Variants in IGDCC4 observed in about 807,000 individuals in gnomAD.
IGDCC4 encodes the protein immunoglobulin superfamily DCC subclass member 4.
IGDCC4 carries 72 observed loss-of-function variants against 116.6 expected under a neutral mutation model. The ratio of observed to expected loss-of-function variants is 0.62; its 90% confidence interval spans 0.51 to 0.75. The LOEUF (loss-of-function observed/expected upper bound fraction) is 0.75, where lower values mean the gene tolerates loss of function less well. Ranked by LOEUF, IGDCC4 falls within the 30% of genes least tolerant of loss-of-function variation. IGDCC4 has a pLI of 0.00. For synonymous variants in IGDCC4, 709 were observed against 719.9 expected (o/e 0.98, Z 0.24); for missense variants, 1,501 against 1,662.4 (o/e 0.90, Z 1.69).
intron 13 of IGDCC4, 103 bp from the exon 14 acceptor site, chr15:65,389,514 T>G: frequency 2.6e-6 from 4 of 1,512,370 alleles, no homozygotes; most frequent in Non-Finnish European, 3.6e-6. Flanking sequence ...CCCCAGGCTC[T>G]ACCCTGGGAA....
chr15:65,393,305 C>T lies in IGDCC4; in HGVS notation c.1885+56G>A. ...GGTGGGGCGCTGGGTCCCAAGGACACACGCACACCCACACAGTCACACACA... is the reference window on the plus strand; with the variant it reads ...GGTGGGGCGCTGGGTCCCAAGGACATACGCACACCCACACAGTCACACACA... On this transcript the variant is annotated intron_variant, in intron 10 of 19. Transcript: ENST00000352385. The surrounding 1 kb of genome is among the most constrained non-coding windows in gnomAD (Gnocchi z 4.6). 1 of 1,510,278 alleles carries T rather than the reference C, an allele frequency of 6.6e-7. No individual in the cohort carries two copies. Among genetic ancestry groups the T allele is most frequent in the Non-Finnish European group, 8.9e-7 (1 of 1,123,726 alleles). The allele number at this position is 1,510,278 out of a possible 1,614,324, so 93.6% of individuals were successfully genotyped here.
At chr15:65,389,539 T>G in intron 13 of IGDCC4, 128 bp from the exon 14 acceptor site, 6 of 1,321,166 alleles carry the variant, frequency 4.5e-6, no homozygotes, top group Admixed American at 2.1e-5. Context: ...AGCTGCTCCC[T>G]GGCCTGGAGG....
Position 65,384,547 on chromosome 15 carries a change from G to T in IGDCC4, c.3343-128C>A. 1 of 926,894 alleles carries T rather than the reference G, an allele frequency of 1.1e-6. No homozygotes were observed. The highest frequency in any genetic ancestry group is 1.9e-5 in the South Asian group (1 of 51,394). 57.4% of individuals were successfully genotyped at this position (926,894 alleles called of 1,614,324 possible). A position where few individuals can be genotyped will look rare whatever the true frequency, so the allele number is the denominator to read the frequency against. On this transcript the variant is annotated intron_variant, in intron 19 of 19. Transcript: ENST00000352385. The surrounding 1 kb of genome is among the most constrained non-coding windows in gnomAD (Gnocchi z 4.9). The stretch of plus-strand genomic sequence containing the variant: ...AAGTATCACATGGGAGTCGGTGAAG[G>T]ATACACAGGAACTGTTCGAACCTAT...
intron 3 of IGDCC4, among the ~76,000 whole-genome samples, chr15:65,402,982 G>A (rs1163708066): frequency 2.6e-5 from 4 of 152,302 alleles, no homozygotes; most frequent in South Asian, 4.1e-4. Flanking sequence ...CTCCTGCCTC[G>A]ATGGTGGCCC....
At chr15:65,415,801 T>C (rs1401208072) in intron 1 of IGDCC4, among the ~76,000 whole-genome samples, 1 of 152,168 alleles carries the variant, frequency 6.6e-6, no homozygotes, top group Non-Finnish European at 1.5e-5. Flanking sequence ...AGCGCATCCT[T>C]AGGGACTCAC....
chr15:65,396,344 C>T (rs745497784), intron 6 of IGDCC4, 181 bp from the exon 7 acceptor site: 6 of 731,522 alleles, frequency 8.2e-6, no homozygotes, highest in South Asian at 5.9e-5. Flanking sequence ...CCTTTCTTCT[C>T]CCCATTTACC....
chr15:65,391,817 G>A, intron 12 of IGDCC4, 63 bp downstream of exon 12: 1 of 1,452,358 alleles, frequency 6.9e-7, no homozygotes, highest in Middle Eastern at 2.4e-4. Context: ...AGGAAAAGAA[G>A]AGGAAGCGGC....
chr15:65,409,967 A>G (rs1274649621), intron 3 of IGDCC4, among the ~76,000 whole-genome samples: 2 of 152,214 alleles, frequency 1.3e-5, no homozygotes, highest in Non-Finnish European at 2.9e-5. Context: ...CAGGCTCCAC[A>G]GCTCAATGGG....
intron 1 of IGDCC4, among the ~76,000 whole-genome samples, chr15:65,416,049 A>G (rs631095): frequency 0.58 from 87,143 of 151,412 alleles, 27,860 homozygotes; most frequent in African/African-American, 0.86. Context: ...AGAAGTCTCC[A>G]AACTTCTCAA....
intron 5 of IGDCC4, among the ~76,000 whole-genome samples, chr15:65,400,374 C>T (rs2062972268): frequency 6.6e-6 from 1 of 152,202 alleles, no homozygotes; most frequent in Non-Finnish European, 1.5e-5. Flanking sequence ...CTGGGGTGGA[C>T]CCAGAGCTTG....
chr15:65,398,298 C>T (rs542133739), intron 5 of IGDCC4, among the ~76,000 whole-genome samples: 1 of 152,120 alleles, frequency 6.6e-6, no homozygotes, highest in Non-Finnish European at 1.5e-5. Context: ...CTTTGGGAGG[C>T]CAAGGCGGGT....
chr15:65,389,604 T>C (rs2091493602), intron 13 of IGDCC4, among the ~76,000 whole-genome samples, 193 bp from the exon 14 acceptor site: 1 of 152,246 alleles, frequency 6.6e-6, no homozygotes, highest in South Asian at 2.1e-4. Context: ...CTGCTCCAAG[T>C]CCAATCTCGA....
At chr15:65,405,118 A>C in intron 3 of IGDCC4, among the ~76,000 whole-genome samples, 1 of 118,530 alleles carries the variant, frequency 8.4e-6, no homozygotes. Flanking sequence ...TGTTCAAAAT[A>C]TATTAGTTAG....
chr15:65,400,816 C>T lies in IGDCC4; in HGVS notation c.831G>A (p.Trp277Ter). The T allele has an allele frequency of 6.2e-7, 1 of 1,605,406 alleles. No homozygotes were observed. Among genetic ancestry groups the T allele is most frequent in the Non-Finnish European group, 8.5e-7 (1 of 1,174,836 alleles). Residue 277 changes from tryptophan to a stop codon, truncating the protein, a stop_gained, in exon 5 of 20, where the codon TGG (tryptophan) becomes TGA (stop). Transcript: ENST00000352385. LOFTEE classifies it high-confidence loss of function. ...ACCCCCTCCACTCACCTTGTCGGACCCAGGACACAAAAGGGGTGGGGTCAG... is the reference window on the plus strand; with the variant it reads ...ACCCCCTCCACTCACCTTGTCGGACTCAGGACACAAAAGGGGTGGGGTCAG... ...ASADPTPFVS[W>*]VRQDGKPIST...
At chr15:65,408,554 A>G (rs537673301) in intron 3 of IGDCC4, among the ~76,000 whole-genome samples, 1 of 152,240 alleles carries the variant, frequency 6.6e-6, no homozygotes, top group Non-Finnish European at 1.5e-5. Flanking sequence ...AACAAGGTCA[A>G]CAGGATTCTC....
In IGDCC4 at chr15:65,393,224, T is replaced by C; in HGVS notation, c.1885+137A>G. 1 of 912,652 alleles carries C rather than the reference T, an allele frequency of 1.1e-6. No homozygotes were observed. Among genetic ancestry groups the C allele is most frequent in the East Asian group, 3.0e-5 (1 of 33,482 alleles). 56.5% of individuals were successfully genotyped at this position (912,652 alleles called of 1,614,324 possible). A position where few individuals can be genotyped will look rare whatever the true frequency, so the allele number is the denominator to read the frequency against. On this transcript the variant is annotated intron_variant, in intron 10 of 19. Transcript: ENST00000352385. The surrounding 1 kb of genome is among the most constrained non-coding windows in gnomAD (Gnocchi z 4.6). Reference sequence around the variant, plus strand: ...CTTCACCTCTGCACCTAAGCCTCACTCACCCATCAAGCGGAGGGAGCCATG... The same window carrying C: ...CTTCACCTCTGCACCTAAGCCTCACCCACCCATCAAGCGGAGGGAGCCATG...
intron 1 of IGDCC4, among the ~76,000 whole-genome samples, chr15:65,416,926 T>A (rs1407393466): frequency 6.6e-6 from 1 of 152,170 alleles, no homozygotes; most frequent in Non-Finnish European, 1.5e-5. Flanking sequence ...GCCAGCTCAA[T>A]GCTGTTTCGT....
intron 17 of IGDCC4, among the ~76,000 whole-genome samples, 167 bp downstream of exon 17, chr15:65,386,384 C>T (rs1384796154): frequency 1.3e-5 from 2 of 152,160 alleles, no homozygotes; most frequent in Non-Finnish European, 2.9e-5. Context: ...GTCCACTCCC[C>T]ATTCTCAGGA....
rs369773336 is a variant in IGDCC4, at chr15:65,395,277, A to G, written c.1412-19T>C. 3.9e-4 allele frequency: 631 copies of G among 1,600,510 alleles called. 7 individuals carry two copies. In the Middle Eastern group the frequency reaches 0.014, roughly 35 times the overall value. ...TCCATGCCTGGTGACACGGGGGACA[A>G]GGGGACTGTCATAGTGCCACCCCCC... is the stretch of plus-strand genomic sequence containing the variant. On this transcript the variant is annotated intron_variant, in intron 7 of 19. Coordinates refer to ENST00000352385, the MANE Select transcript of IGDCC4 (RefSeq NM_020962.3).
Sources: allele counts gnomAD v4.1 joint callset (sites outside exome capture counted in the v4.1 genomes callset), GRCh38; gene constraint gnomAD v4.1.1; non-coding constraint Gnocchi (gnomAD v3.1); transcripts MANE v1.5; gene names NCBI Gene and HGNC (gene_info 2026-07-23, HGNC 2026-07-21).